Variants in ADGB observed in about 807,000 individuals in gnomAD.
ADGB encodes the protein androglobin.
Under a neutral mutation model 210.5 loss-of-function variants are expected in ADGB, and 172 were observed. That is an observed-to-expected ratio of 0.82 (90% CI 0.72 to 0.93). ADGB has a LOEUF of 0.93. Among genes scored for constraint, ADGB ranks in the 40% least tolerant of loss-of-function variants. The pLI, the probability that ADGB is intolerant of heterozygous loss-of-function variation, is 0.00. For missense variants in ADGB, 2,025 were observed against 1,964.8 expected, an observed-to-expected ratio of 1.03 and a Z score of -0.58; for synonymous variants, 658 against 662.7, an observed-to-expected ratio of 0.99 and a Z score of 0.11.
intron 1 of ADGB, among the ~76,000 whole-genome samples, chr6:146,620,585 A>AT (rs1211615625): frequency 2.0e-5 from 3 of 150,168 alleles, no homozygotes; most frequent in Non-Finnish European, 4.4e-5. Context: ...CTTTCTAATG[A>AT]TTTTTTTCAG....
At chr6:146,704,684 GC>G (rs1264447995) in intron 13 of ADGB, among the ~76,000 whole-genome samples, 5 of 152,004 alleles carry the variant, frequency 3.3e-5, no homozygotes, top group African/African-American at 1.2e-4. Context: ...GGTTACTATA[GC>G]TTTGTAGTGT....
chr6:146,759,722 A>G (rs1777459762), intron 27 of ADGB, among the ~76,000 whole-genome samples: 1 of 151,800 alleles, frequency 6.6e-6, no homozygotes, highest in South Asian at 2.1e-4. Context: ...ATTTTCTTAT[A>G]CATTGTCCAG....
chr6:146,748,239 C>G (rs960759191), intron 26 of ADGB, among the ~76,000 whole-genome samples: 1 of 151,920 alleles, frequency 6.6e-6, no homozygotes, highest in African/African-American at 2.4e-5. Context: ...GGGAGGGAAA[C>G]CAGGTAAAAG....
At chr6:146,745,518 TCTTA>T (rs1777215020) in intron 25 of ADGB, among the ~76,000 whole-genome samples, 1 of 152,256 alleles carries the variant, frequency 6.6e-6, no homozygotes, top group South Asian at 2.1e-4. Flanking sequence ...CTTCTGCTTT[TCTTA>T]CTTCAGTATT....
chr6:146,813,347 T>C lies in ADGB; in HGVS notation c.4819-1685T>C, dbSNP rs1157151191. The stretch of plus-strand genomic sequence containing the variant: ...AAGTGGAATTTCATGGATATTAGGG[T>C]CCGTTGGTGGTTTATTGTGTTCTCA... On this transcript the variant is annotated intron_variant, in intron 35 of 35. Coordinates refer to ENST00000397944, the MANE Select transcript of ADGB (RefSeq NM_024694.4). 4.6e-5 allele frequency among the ~76,000 whole-genome samples: 7 copies of C among 152,260 alleles called. No individual in the cohort carries two copies. The East Asian group carries it at 1.4e-3, about 29-fold the overall frequency.
intron 13 of ADGB, among the ~76,000 whole-genome samples, chr6:146,704,531 A>T (rs192456163): frequency 6.6e-6 from 1 of 152,046 alleles, no homozygotes; most frequent in Admixed American, 6.6e-5. Flanking sequence ...GTAAATGGAT[A>T]TCCCAAAATC....
intron 13 of ADGB, 112 bp downstream of exon 13, chr6:146,701,182 G>C: frequency 2.5e-6 from 3 of 1,199,482 alleles, no homozygotes; most frequent in Non-Finnish European, 3.5e-6. Context: ...GATCTGAACA[G>C]TATAAAGAAT....
intron 19 of ADGB, among the ~76,000 whole-genome samples, chr6:146,727,932 C>T (rs1206429418): frequency 1.3e-5 from 2 of 152,140 alleles, no homozygotes; most frequent in Non-Finnish European, 2.9e-5. Flanking sequence ...AGGAGAGAAT[C>T]GGGAATCATG....
At chr6:146,721,188 A>G (rs921247358) in intron 16 of ADGB, among the ~76,000 whole-genome samples, 9 of 152,104 alleles carry the variant, frequency 5.9e-5, no homozygotes, top group African/African-American at 2.2e-4. Context: ...CTAGTCTAAC[A>G]CAGCTGCTGC....
rs146268143 is a variant in ADGB at position 146,694,769 on chromosome 6, A to C, written c.1577+1854A>C. On this transcript the variant is annotated intron_variant, in intron 12 of 35. Transcript: ENST00000397944. ...TTATTAGGTTTCTAGATGTGTAAAAAAATACTGTGTAAGTTATTTTCCAGT... is the reference window on the plus strand; with the variant it reads ...TTATTAGGTTTCTAGATGTGTAAAACAATACTGTGTAAGTTATTTTCCAGT... Among the ~76,000 whole-genome samples the C allele has an allele frequency of 3.5e-3, 527 of 152,266 alleles. 4 individuals are homozygous for C. The highest frequency in any genetic ancestry group is 0.011 in the African/African-American group (447 of 41,546).
rs757357023 is a variant in ADGB, at chr6:146,815,326, C to T, written c.*109C>T. On this transcript the variant is annotated 3_prime_UTR_variant, in exon 36 of 36. Transcript: ENST00000397944. The stretch of plus-strand genomic sequence containing the variant: ...AGGCCAAATGAAAATAGAAATTTCT[C>T]TTTCTTAGAAATATTTTAATGCTAA... The T allele has an allele frequency of 1.4e-5, 12 of 863,510 alleles. No homozygotes were observed. In the African/African-American group the frequency reaches 1.4e-4, roughly 10 times the overall value. The allele number at this position is 863,510 out of a possible 1,614,324, so 53.5% of individuals were successfully genotyped here.
chr6:146,719,700 C>A (rs1483412685), intron 16 of ADGB, among the ~76,000 whole-genome samples: 1 of 152,252 alleles, frequency 6.6e-6, no homozygotes, highest in East Asian at 1.9e-4. Flanking sequence ...GGCAGAGGCC[C>A]TTTGTGGCCT....
intron 1 of ADGB, among the ~76,000 whole-genome samples, chr6:146,623,850 T>C (rs1179906799): frequency 6.6e-6 from 1 of 151,958 alleles, no homozygotes; most frequent in Non-Finnish European, 1.5e-5. Context: ...TAATTTTTTT[T>C]AGTTTGTTAA....
At chr6:146,682,380 C>T (rs1776169354) in intron 9 of ADGB, among the ~76,000 whole-genome samples, 1 of 151,970 alleles carries the variant, frequency 6.6e-6, no homozygotes, top group South Asian at 2.1e-4. Context: ...CAATAAAATA[C>T]ATATAATTAG....
In ADGB at chr6:146,672,613, G is replaced by A. The variant is rs796476109; in HGVS notation, c.1087+146G>A. 20 of 949,772 alleles carry A rather than the reference G, an allele frequency of 2.1e-5. No individual in the cohort carries two copies. In the African/African-American group the frequency reaches 3.1e-4, roughly 15 times the overall value. 58.8% of individuals were successfully genotyped at this position (949,772 alleles called of 1,614,324 possible). A position where few individuals can be genotyped will look rare whatever the true frequency, so the allele number is the denominator to read the frequency against. ...GGATCTCACACAGTAGGGAATTCAA[G>A]GCAGGTCACAGAATGAAGTAAGAAG... On this transcript the variant is annotated intron_variant, in intron 8 of 35. Transcript: ENST00000397944.
At chr6:146,770,886 G>C (rs1001340082) in intron 29 of ADGB, among the ~76,000 whole-genome samples, 4 of 151,938 alleles carry the variant, frequency 2.6e-5, no homozygotes, top group African/African-American at 9.7e-5. Context: ...AAACACTTTC[G>C]CACATTCCCT....
chr6:146,723,826 T>C (rs1286855785), intron 17 of ADGB, among the ~76,000 whole-genome samples: 1 of 152,216 alleles, frequency 6.6e-6, no homozygotes, highest in African/African-American at 2.4e-5. Context: ...TTTCAAGATG[T>C]AATATGTTTT....
chr6:146,738,592 G>A (rs1777115143), intron 23 of ADGB, among the ~76,000 whole-genome samples: 1 of 151,778 alleles, frequency 6.6e-6, no homozygotes, highest in African/African-American at 2.4e-5. Flanking sequence ...TGGGACTACA[G>A]GTGCTACCAC....
intron 1 of ADGB, among the ~76,000 whole-genome samples, chr6:146,623,551 A>C (rs1780926518): frequency 6.6e-6 from 1 of 151,876 alleles, no homozygotes; most frequent in Admixed American, 6.6e-5. Context: ...TGTATCCTGA[A>C]ACATGGCTAA....
Sources: allele counts gnomAD v4.1 joint callset (sites outside exome capture counted in the v4.1 genomes callset), GRCh38; gene constraint gnomAD v4.1.1; transcripts MANE v1.5; gene names NCBI Gene and HGNC (gene_info 2026-07-23, HGNC 2026-07-21).